SLC17A1: variants seen among roughly 807,000 people sequenced by gnomAD.
The protein encoded by SLC17A1 is solute carrier family 17 member 1.
SLC17A1 carries 51 observed loss-of-function variants against 53.5 expected under a neutral mutation model. The observed-to-expected ratio is 0.95, with a 90% CI of 0.76 to 1.20. The LOEUF is 1.20. Ranked by LOEUF, SLC17A1 falls within the 50% of genes most tolerant of loss-of-function variation. SLC17A1 has a pLI of 0.00. For missense variants in SLC17A1, 538 were observed against 568.2 expected, an observed-to-expected ratio of 0.95 and a Z score of 0.54; for synonymous variants, 179 against 198.8, an observed-to-expected ratio of 0.90 and a Z score of 0.84.
chr6:25,745,726 C>G, the SLC17A1 span, among the ~76,000 whole-genome samples: 4 of 152,328 alleles, frequency 2.6e-5, no homozygotes, highest in East Asian at 1.9e-4. Flanking sequence ...GTAACCAAAA[C>G]AGATGATCTG....
chr6:25,828,159 G>A (rs543347328), intron 2 of SLC17A1, among the ~76,000 whole-genome samples: 21 of 152,228 alleles, frequency 1.4e-4, no homozygotes, highest in African/African-American at 4.8e-4. Flanking sequence ...TTCCAAGGTG[G>A]GAAAAATAGA....
chr6:25,754,447 G>T, the SLC17A1 span, among the ~76,000 whole-genome samples: 4 of 152,166 alleles, frequency 2.6e-5, no homozygotes, highest in African/African-American at 9.7e-5. Flanking sequence ...AACTCTGAGA[G>T]ACCCCAGAAG....
the SLC17A1 span, among the ~76,000 whole-genome samples, chr6:25,747,029 T>C: frequency 1.3e-5 from 2 of 152,340 alleles, no homozygotes; most frequent in African/African-American, 2.4e-5. Context: ...GTATCTTTGA[T>C]TGTAATAACA....
chr6:25,805,746 G>A (rs1763930667), intron 10 of SLC17A1, among the ~76,000 whole-genome samples: 1 of 152,022 alleles, frequency 6.6e-6, no homozygotes, highest in Non-Finnish European at 1.5e-5. Context: ...ACACCTCTAT[G>A]CACATAAACT....
At chr6:25,774,375 T>C in the SLC17A1 span, among the ~76,000 whole-genome samples, 9 of 152,230 alleles carry the variant, frequency 5.9e-5, no homozygotes, top group East Asian at 3.9e-4. Flanking sequence ...GTGTTATTCT[T>C]GTACTCTCAC....
chr6:25,777,910 C>A, the SLC17A1 span: 4 of 1,597,770 alleles, frequency 2.5e-6, no homozygotes, highest in Admixed American at 3.3e-5. Flanking sequence ...AATAGAGTAC[C>A]ATCTCTCTCT....
At chr6:25,808,694 C>A (rs1157578999) in intron 10 of SLC17A1, among the ~76,000 whole-genome samples, 1 of 151,870 alleles carries the variant, frequency 6.6e-6, no homozygotes, top group Non-Finnish European at 1.5e-5. Flanking sequence ...AAATTAAAAC[C>A]ACGATGAGAT....
At chr6:25,823,800 T>C (rs560788488) in intron 3 of SLC17A1, among the ~76,000 whole-genome samples, 1 of 152,184 alleles carries the variant, frequency 6.6e-6, no homozygotes, top group Admixed American at 6.5e-5. Flanking sequence ...GTTTGTTCTT[T>C]TGCATATCTT....
At chr6:25,776,749 G>C in the SLC17A1 span, 1 of 1,613,886 alleles carries the variant, frequency 6.2e-7, no homozygotes, top group Non-Finnish European at 8.5e-7. Context: ...ACTGGACACA[G>C]GGGTGAACGT....
the SLC17A1 span, among the ~76,000 whole-genome samples, chr6:25,739,038 C>G: frequency 6.7e-4 from 102 of 152,288 alleles, no homozygotes; most frequent in South Asian, 0.019. Flanking sequence ...ATGGAACATT[C>G]ATCCCAGAGA....
chr6:25,756,168 A>T, the SLC17A1 span, among the ~76,000 whole-genome samples: 1 of 152,028 alleles, frequency 6.6e-6, no homozygotes, highest in African/African-American at 2.4e-5. Flanking sequence ...TGGTCTGGCC[A>T]TTTTGGGAGA....
At chr6:25,772,239 A>G in the SLC17A1 span, among the ~76,000 whole-genome samples, 1 of 152,220 alleles carries the variant, frequency 6.6e-6, no homozygotes, top group Non-Finnish European at 1.5e-5. Context: ...AACAGTAAGG[A>G]GCATATACGC....
At chr6:25,799,059 G>A (rs955855245) in intron 11 of SLC17A1, 140 bp from the exon 12 acceptor site, 16 of 643,168 alleles carry the variant, frequency 2.5e-5, no homozygotes, top group African/African-American at 5.5e-5. Flanking sequence ...AGCCGAAAAC[G>A]TCATCATTTT....
chr6:25,736,122 G>C, the SLC17A1 span, among the ~76,000 whole-genome samples: 1 of 151,864 alleles, frequency 6.6e-6, no homozygotes, highest in African/African-American at 2.4e-5. Flanking sequence ...TGGTGGGGGT[G>C]GGGTGGTAGG....
the SLC17A1 span, among the ~76,000 whole-genome samples, chr6:25,775,819 A>G: frequency 2.6e-5 from 4 of 152,318 alleles, no homozygotes; most frequent in Admixed American, 6.5e-5. Context: ...TTTAAAATAC[A>G]AAACAGTATA....
the SLC17A1 span, among the ~76,000 whole-genome samples, chr6:25,747,551 G>A: frequency 1.1e-4 from 17 of 152,156 alleles, no homozygotes; most frequent in Admixed American, 2.6e-4. Context: ...GAAACCTACC[G>A]TTATGGACTG....
chr6:25,808,153 G>A (rs1764023562), intron 10 of SLC17A1, among the ~76,000 whole-genome samples: 1 of 151,868 alleles, frequency 6.6e-6, no homozygotes, highest in South Asian at 2.1e-4. Context: ...TTTAATTATG[G>A]CCATTCTTGC....
downstream of SLC17A1, chr6:25,781,237 CAAAG>C (rs4052636): frequency 0.86 from 125,981 of 146,080 alleles, 54,545 homozygotes; most frequent in East Asian, 0.98. Context: ...AAGAAAGAAA[CAAAG>C]AAAGAAAGAA....
At chr6:25,774,102 T>G in the SLC17A1 span, among the ~76,000 whole-genome samples, 1 of 152,094 alleles carries the variant, frequency 6.6e-6, no homozygotes, top group Non-Finnish European at 1.5e-5. Context: ...CAACATATGC[T>G]GAAAATAAGA....
Sources: allele counts gnomAD v4.1 joint callset (sites outside exome capture counted in the v4.1 genomes callset), GRCh38; gene constraint gnomAD v4.1.1; transcripts MANE v1.5; gene names NCBI Gene and HGNC (gene_info 2026-07-23, HGNC 2026-07-21).